The following SIK2 variants were observed in gnomAD, a reference collection of about 807,000 sequenced individuals.
SIK2 encodes the protein serine/threonine-protein kinase SIK2.
SIK2 carries 29 observed loss-of-function variants against 103.2 expected under a neutral mutation model. The observed-to-expected ratio is 0.28, with a 90% confidence interval of 0.21 to 0.38. The LOEUF (loss-of-function observed/expected upper bound fraction) is 0.38. SIK2 is among the 10% of genes least tolerant of loss of function. SIK2 has a pLI of 1.00. For synonymous variants in SIK2, 412 were observed against 446.1 expected (o/e 0.92, Z 0.96); for missense variants, 879 against 1,171.0 (o/e 0.75, Z 3.64).
intron 2 of SIK2, 151 bp downstream of exon 2, chr11:111,616,510 T>C: frequency 1.7e-6 from 1 of 581,464 alleles, no homozygotes; most frequent in Non-Finnish European, 3.0e-6. Flanking sequence ...TTCTATATTG[T>C]CTTTAAACTT....
intron 3 of SIK2, among the ~76,000 whole-genome samples, chr11:111,687,418 G>A (rs1488271951): frequency 6.6e-6 from 1 of 151,302 alleles, no homozygotes; most frequent in Non-Finnish European, 1.5e-5. Flanking sequence ...GGGAGGCTGA[G>A]GCAGAAGAAT....
intron 1 of SIK2, among the ~76,000 whole-genome samples, chr11:111,612,915 G>GATATATAT (rs67675103): frequency 0.032 from 1,573 of 49,294 alleles, 61 homozygotes; most frequent in African/African-American, 0.05. Flanking sequence ...ATAGCAATGG[G>GATATATAT]ATATATATAT....
chr11:111,614,102 GA>G (rs1173914518), intron 1 of SIK2, among the ~76,000 whole-genome samples: 1 of 62,802 alleles, frequency 1.6e-5, no homozygotes, highest in Non-Finnish European at 3.9e-5. Context: ...TTTTTTTTTT[GA>G]CAGAGTCTCG....
chr11:111,709,676 GTATAT>G lies in SIK2; in HGVS notation c.1102-2533_1102-2529del, dbSNP rs201109496. ...CTGTGTAATGCTGAGCATGCTGTCT[GTATAT>G]TTATACCCTCTCTTGTTCCAAAAAG... On this transcript the variant is annotated intron_variant, in intron 8 of 14. Transcript: ENST00000304987. Among the ~76,000 whole-genome samples, 7 of 152,320 alleles carry G rather than the reference GTATAT, an allele frequency of 4.6e-5. No individual in the cohort carries two copies. The East Asian group carries it at 1.4e-3, about 29-fold the overall frequency.
At chr11:111,657,256 T>G (rs900895771) in intron 3 of SIK2, among the ~76,000 whole-genome samples, 1 of 152,222 alleles carries the variant, frequency 6.6e-6, no homozygotes, top group African/African-American at 2.4e-5. Flanking sequence ...AACTCTCATT[T>G]TGGGTGCATG....
At chr11:111,638,446 C>G (rs1942139026) in intron 3 of SIK2, among the ~76,000 whole-genome samples, 1 of 152,152 alleles carries the variant, frequency 6.6e-6, no homozygotes, top group African/African-American at 2.4e-5. Flanking sequence ...CACCAACTTC[C>G]AGTTTCTTGT....
intron 4 of SIK2, among the ~76,000 whole-genome samples, chr11:111,691,106 C>T (rs547848011): frequency 6.6e-6 from 1 of 152,272 alleles, no homozygotes; most frequent in Non-Finnish European, 1.5e-5. Context: ...TTTTGCCTGG[C>T]TATAGTATGT....
At chr11:111,615,132 CTG>C (rs1487960688) in intron 1 of SIK2, among the ~76,000 whole-genome samples, 1 of 160 alleles carries the variant, frequency 6.3e-3, no homozygotes, top group Non-Finnish European at 0.023. Flanking sequence ...GAGGGAGACT[CTG>C]TATCAAATAA....
At chr11:111,660,660 A>G (rs1942454987) in intron 3 of SIK2, among the ~76,000 whole-genome samples, 1 of 152,162 alleles carries the variant, frequency 6.6e-6, no homozygotes. Context: ...CACTGCTTCA[A>G]TTTTGTCATA....
intron 3 of SIK2, chr11:111,672,315 A>C (rs766546346): frequency 2.6e-5 from 11 of 426,386 alleles, no homozygotes; most frequent in Non-Finnish European, 4.6e-5. Flanking sequence ...TGATGCAGGC[A>C]CCAGGCCTGC....
Position 111,632,286 on chromosome 11 carries a change from C to T in SIK2, c.316+11884C>T, listed in dbSNP as rs1395503718. On this transcript the variant is annotated intron_variant, in intron 3 of 14. Coordinates refer to ENST00000304987, the MANE Select transcript of SIK2 (RefSeq NM_015191.3). The stretch of plus-strand genomic sequence containing the variant: ...ATTCTAGAATAAAATTTTCCTTTGG[C>T]ATTTCTAATAAGAGGTACTAAGTAA... Among the ~76,000 whole-genome samples, 3 of 152,200 alleles carry T rather than the reference C, an allele frequency of 2.0e-5. No individual in the cohort carries two copies. The East Asian group carries it at 5.8e-4, about 29-fold the overall frequency.
intron 10 of SIK2, 63 bp downstream of exon 10, chr11:111,720,066 A>G (rs1943756335): frequency 1.3e-6 from 2 of 1,497,982 alleles, no homozygotes; most frequent in African/African-American, 2.8e-5. Context: ...CCAATTGCCA[A>G]CAAGTGGTCA....
intron 1 of SIK2, among the ~76,000 whole-genome samples, chr11:111,606,517 CTT>C (rs1287410121): frequency 2.6e-5 from 4 of 151,876 alleles, no homozygotes; most frequent in African/African-American, 9.7e-5. Context: ...TTATATATAA[CTT>C]TATAAAAACA....
At chr11:111,673,306 C>T (rs1942653739) in intron 3 of SIK2, among the ~76,000 whole-genome samples, 1 of 152,234 alleles carries the variant, frequency 6.6e-6, no homozygotes, top group East Asian at 1.9e-4. Context: ...GCTACATGGT[C>T]ACAAGGTTTG....
Position 111,704,925 on chromosome 11 carries a change from T to C in SIK2, c.949-62T>C, listed in dbSNP as rs142677394. On this transcript the variant is annotated intron_variant, in intron 7 of 14. Transcript: ENST00000304987. ...TTTCTTTCCTCTTTTTTTTTAGGCATGTGTAGATCATTGCATTGGTCTTTA... is the reference window on the plus strand; with the variant it reads ...TTTCTTTCCTCTTTTTTTTTAGGCACGTGTAGATCATTGCATTGGTCTTTA... The C allele has an allele frequency of 6.1e-4, 906 of 1,491,000 alleles. 19 individuals are homozygous for C. In the East Asian group the frequency reaches 0.021, roughly 34 times the overall value. The allele number at this position is 1,491,000 out of a possible 1,614,324, so 92.4% of individuals were successfully genotyped here. A position where few individuals can be genotyped will look rare whatever the true frequency, so the allele number is the denominator to read the frequency against.
rs974154980 is a variant in SIK2 at position 111,727,093 on chromosome 11, A to AG, written c.*2969dup. ...AACAGCATGTTAGCCCGACAGGAAG[A>AG]GGGGGCCCACTTTCACATTCCCGGT... On this transcript the variant is annotated 3_prime_UTR_variant, in exon 15 of 15. Transcript: ENST00000304987. 6 of 1,581,500 alleles carry AG rather than the reference A, an allele frequency of 3.8e-6. No individual in the cohort carries two copies. The highest frequency in any genetic ancestry group is 4.3e-6 in the Non-Finnish European group (5 of 1,151,496).
intron 1 of SIK2, among the ~76,000 whole-genome samples, chr11:111,608,298 A>G (rs1475084731): frequency 6.6e-6 from 1 of 152,212 alleles, no homozygotes; most frequent in Admixed American, 6.5e-5. Flanking sequence ...AGATTAAGAG[A>G]TGAATATTGG....
At chr11:111,680,617 G>C (rs1942764481) in intron 3 of SIK2, among the ~76,000 whole-genome samples, 1 of 152,070 alleles carries the variant, frequency 6.6e-6, no homozygotes, top group Non-Finnish European at 1.5e-5. Flanking sequence ...AAGAACATGA[G>C]GCTTAAAGAT....
In SIK2 at chr11:111,602,583, C is replaced by A. The variant is rs149703761; in HGVS notation, c.20C>A (p.Pro7Gln). 5 of 1,529,832 alleles carry A rather than the reference C, an allele frequency of 3.3e-6. No individual in the cohort carries two copies. In the African/African-American group the frequency reaches 5.7e-5, roughly 17 times the overall value. 94.8% of individuals were successfully genotyped at this position (1,529,832 alleles called of 1,614,324 possible). A position where few individuals can be genotyped will look rare whatever the true frequency, so the allele number is the denominator to read the frequency against. ...CCCAGCATGGTCATGGCGGATGGCC[C>A]GAGGCACTTGCAGCGCGGGCCGGTC... MVMADGPRHLQRGPVRV... is the reference protein window; with the variant it reads MVMADGQRHLQRGPVRV... The change falls in exon 1 of 15, where the codon CCG becomes CAG. Residue 7 changes from proline (P) to glutamine (Q), a missense_variant. Transcript: ENST00000304987. The surrounding 1 kb of genome is among the most constrained non-coding windows in gnomAD (Gnocchi z 4.5).
Sources: gnomAD v4.1 joint callset for allele counts (sites outside exome capture counted in the v4.1 genomes callset) on GRCh38, gnomAD v4.1.1 for gene constraint, Gnocchi (gnomAD v3.1) non-coding constraint, MANE v1.5 for transcripts, NCBI Gene and HGNC (gene_info 2026-07-23, HGNC 2026-07-21) for gene names.